Variants in DNAH10 observed in about 807,000 individuals in gnomAD.
DNAH10 encodes the protein dynein axonemal heavy chain 10.
A neutral mutation model predicts 506.6 loss-of-function variants in DNAH10; 348 were observed. That is an observed-to-expected ratio of 0.69 (90% confidence interval 0.63 to 0.75). DNAH10 has a LOEUF of 0.75. Ranked by LOEUF, DNAH10 falls within the 30% of genes least tolerant of loss-of-function variation. The probability of loss-of-function intolerance (pLI) is 0.00; values close to 1 mark genes in which losing one functional copy is unlikely to be tolerated. For missense variants in DNAH10, 5,179 were observed against 5,787.1 expected (o/e 0.89, Z 3.41); for synonymous variants, 2,059 against 2,198.6 (o/e 0.94, Z 1.78).
At position 123,903,816 on chromosome 12, in the gene DNAH10, TCTGCCCCTGTG is replaced by T. The variant is rs1314991901; in HGVS notation, c.9815+709_9815+719del. The stretch of plus-strand genomic sequence containing the variant: ...CTGGTGCCAGCCTCCGCCCACTGCC[TCTGCCCCTGTG>T]CTGCCTGGCCCCGCACAGACCCCTC... On this transcript the variant is annotated intron_variant, in intron 57 of 78. Coordinates refer to ENST00000673944, the MANE Select transcript of DNAH10 (RefSeq NM_001372106.1). This position sits in a 1 kb window ranked among gnomAD's most constrained non-coding sequence, Gnocchi z 4.6. Among the ~76,000 whole-genome samples, 2 of 152,202 alleles carry T rather than the reference TCTGCCCCTGTG, an allele frequency of 1.3e-5. No individual in the cohort carries two copies. Among genetic ancestry groups the T allele is most frequent in the Non-Finnish European group, 2.9e-5 (2 of 68,036 alleles).
At chr12:123,859,719 G>A (rs1951542948) in intron 38 of DNAH10, among the ~76,000 whole-genome samples, 1 of 152,068 alleles carries the variant, frequency 6.6e-6, no homozygotes, top group Non-Finnish European at 1.5e-5. Context: ...AGGAAAAAGT[G>A]ATCGTACACT....
intron 28 of DNAH10, among the ~76,000 whole-genome samples, chr12:123,836,840 G>A (rs969591272): frequency 2.0e-5 from 3 of 151,838 alleles, no homozygotes; most frequent in Non-Finnish European, 4.4e-5. Flanking sequence ...CCAATATGAT[G>A]AAACTCTGTC....
chr12:123,867,195 A>G (rs1285298208), intron 41 of DNAH10, among the ~76,000 whole-genome samples: 1 of 152,146 alleles, frequency 6.6e-6, no homozygotes, highest in African/African-American at 2.4e-5. Context: ...TTTCCTGTCA[A>G]ATGGGACCTG....
At position 123,928,170 on chromosome 12, in the gene DNAH10, G is replaced by A. The variant is rs1955029604; in HGVS notation, c.12106-217G>A. 1.6e-6 allele frequency: 1 copy of A among 606,172 alleles called. No homozygotes were observed. The highest frequency in any genetic ancestry group is 2.0e-5 in the South Asian group (1 of 49,868). 37.5% of individuals were successfully genotyped at this position (606,172 alleles called of 1,614,324 possible). ...GTGCAAAATGCTCACCCATCTTCCA[G>A]GCTGGGTGTGACCAGCTCAGTGCAC... On this transcript the variant is annotated intron_variant, in intron 69 of 78. Coordinates refer to ENST00000673944, the MANE Select transcript of DNAH10 (RefSeq NM_001372106.1). This position sits in a 1 kb window ranked among gnomAD's most constrained non-coding sequence, Gnocchi z 4.9.
At position 123,803,834 on chromosome 12, in the gene DNAH10, GA is replaced by G; in HGVS notation, c.2779+10del. The G allele has an allele frequency of 6.2e-7, 1 of 1,607,832 alleles. No homozygotes were observed. Among genetic ancestry groups the G allele is most frequent in the Non-Finnish European group, 8.5e-7 (1 of 1,178,590 alleles). ...TGAGGAAGAACTCCCAGGTAGATCT[GA>G]CTTCTGGGTTCTCCAGTTATGGAAT... On this transcript the variant is annotated intron_variant, in intron 17 of 78. Transcript: ENST00000673944.
intron 23 of DNAH10, among the ~76,000 whole-genome samples, chr12:123,820,120 T>A (rs1316135713): frequency 6.6e-6 from 1 of 152,166 alleles, no homozygotes; most frequent in Non-Finnish European, 1.5e-5. Flanking sequence ...TATTTAAGGA[T>A]GCTCAAAAAA....
At chr12:123,935,201 C>A in intron 78 of DNAH10, 134 bp from the exon 79 acceptor site, 1 of 1,092,640 alleles carries the variant, frequency 9.2e-7, no homozygotes, top group Non-Finnish European at 1.3e-6. Flanking sequence ...CCCTGAGCAG[C>A]CCCAGCCTTG....
At position 123,835,467 on chromosome 12, in the gene DNAH10, T is replaced by A; in HGVS notation, c.4841T>A (p.Ile1614Lys). The A allele has an allele frequency of 6.2e-7, 1 of 1,609,222 alleles. No homozygotes were observed. Among genetic ancestry groups the A allele is most frequent in the Non-Finnish European group, 8.5e-7 (1 of 1,177,482 alleles). Residue 1614 changes from isoleucine to lysine, a missense_variant, in exon 28 of 79, where the codon ATA becomes AAA. This residue lies in a region of DNAH10 where 4,844 missense variants were observed against 5,430.5 expected (regional missense o/e 0.89). Transcript: ENST00000673944. ...GAAAGTATTTTTATTGGTGGAGATA[T>A]AAGATCACAACTTCCGGAAGAGGCA... ...YLESIFIGGDIRSQLPEEAKK... is the reference protein window; with the variant it reads ...YLESIFIGGDKRSQLPEEAKK...
At chr12:123,896,427 C>T (rs1485198770) in intron 54 of DNAH10, among the ~76,000 whole-genome samples, 1 of 152,176 alleles carries the variant, frequency 6.6e-6, no homozygotes, top group Non-Finnish European at 1.5e-5. Context: ...AACAACCTAT[C>T]AGATAATCCA....
intron 69 of DNAH10, chr12:123,927,443 C>T (rs1954996911): frequency 1.3e-5 from 2 of 154,214 alleles, no homozygotes; most frequent in South Asian, 4.1e-4. Flanking sequence ...TTATTATGGC[C>T]CCAATTGCAT....
intron 77 of DNAH10, 74 bp from the exon 78 acceptor site, chr12:123,934,547 T>C (rs538955491): frequency 2.7e-5 from 42 of 1,574,414 alleles, no homozygotes; most frequent in African/African-American, 2.4e-4. Context: ...TCGCTGTGTG[T>C]GCGCCTGATA....
Position 123,847,147 on chromosome 12 carries a change from CAT to C in DNAH10, c.5815-813_5815-812del, listed in dbSNP as rs1191012999. 1.3e-4 allele frequency among the ~76,000 whole-genome samples: 13 copies of C among 100,696 alleles called. No individual in the cohort carries two copies. The African/African-American group carries it at 1.4e-3, about 11-fold the overall frequency. 66.1% of individuals were successfully genotyped at this position (100,696 alleles called of 152,430 possible). ...CCGTGCATCCATCCATCTACATATC[CAT>C]CCATCCATCCATCCATCCATCCATC... On this transcript the variant is annotated intron_variant, in intron 32 of 78. Transcript: ENST00000673944.
rs1953817134 is a variant in DNAH10 at position 123,907,081 on chromosome 12, T to A, written c.9816-2180T>A. Among the ~76,000 whole-genome samples the A allele has an allele frequency of 6.6e-6, 1 of 152,148 alleles. No individual in the cohort carries two copies. Among genetic ancestry groups the A allele is most frequent in the African/African-American group, 2.4e-5 (1 of 41,442 alleles). On this transcript the variant is annotated intron_variant, in intron 57 of 78. Coordinates refer to ENST00000673944, the MANE Select transcript of DNAH10 (RefSeq NM_001372106.1). The surrounding 1 kb of genome is among the most constrained non-coding windows in gnomAD (Gnocchi z 4.4). ...CCCATCAGCAGTGAGGCAGGCAGGG[T>A]CTTCACTGCGTGGCGCTGACACTCT... is the stretch of plus-strand genomic sequence containing the variant.
At position 123,762,675 on chromosome 12, in the gene DNAH10, A is replaced by C; in HGVS notation, c.214+125A>C. On this transcript the variant is annotated intron_variant, in intron 1 of 78. Coordinates refer to ENST00000673944, the MANE Select transcript of DNAH10 (RefSeq NM_001372106.1). The surrounding 1 kb of genome is among the most constrained non-coding windows in gnomAD (Gnocchi z 5.0). ...CCCCGGCCTCAGGTGCTGTCCACAA[A>C]CGCTGCCGCCCGCCACGTGCAGGCC... 1.0e-6 allele frequency: 1 copy of C among 988,494 alleles called. No individual in the cohort carries two copies. The highest frequency in any genetic ancestry group is 1.4e-6 in the Non-Finnish European group (1 of 712,860). The allele number at this position is 988,494 out of a possible 1,614,324, so 61.2% of individuals were successfully genotyped here.
chr12:123,925,762 G>A lies in DNAH10; in HGVS notation c.11921+558G>A, dbSNP rs774362117. 6.5e-6 allele frequency: 1 copy of A among 152,800 alleles called. No homozygotes were observed. Among genetic ancestry groups the A allele is most frequent in the Non-Finnish European group, 1.5e-5 (1 of 68,534 alleles). 9.5% of individuals were successfully genotyped at this position (152,800 alleles called of 1,614,324 possible). On this transcript the variant is annotated intron_variant, in intron 68 of 78. Coordinates refer to ENST00000673944, the MANE Select transcript of DNAH10 (RefSeq NM_001372106.1). The surrounding 1 kb of genome is among the most constrained non-coding windows in gnomAD (Gnocchi z 4.0). ...AGCAGGCCATGGCAGTGAGTGATGA[G>A]GCTGGGTGGGGTCCTGGTCCCTGGG... is the stretch of plus-strand genomic sequence containing the variant.
At position 123,871,558 on chromosome 12, in the gene DNAH10, G is replaced by T. The variant is rs1438964110; in HGVS notation, c.7741G>T (p.Ala2581Ser). The T allele has an allele frequency of 1.4e-5, 21 of 1,551,650 alleles. No homozygotes were observed. Among genetic ancestry groups the T allele is most frequent in the Non-Finnish European group, 1.7e-5 (20 of 1,147,202 alleles). The change falls in exon 45 of 79, where the codon GCC becomes TCC. Residue 2581 changes from alanine to serine, a missense_variant. This residue lies in a region of DNAH10 where 4,844 missense variants were observed against 5,430.5 expected (regional missense o/e 0.89). Transcript: ENST00000673944. Reference sequence around the variant, plus strand: ...TGGTGAATCTGGCACTTCTAAGACAGCCACTACCCAGAATTTCCTCAAAAA... The same window carrying T: ...TGGTGAATCTGGCACTTCTAAGACATCCACTACCCAGAATTTCCTCAAAAA... ...FVGESGTSKT[A>S]TTQNFLKNLS...
At chr12:123,867,425 A>G in intron 41 of DNAH10, 42 bp from the exon 42 acceptor site, 1 of 1,586,262 alleles carries the variant, frequency 6.3e-7, no homozygotes, top group Non-Finnish European at 8.6e-7. Flanking sequence ...CCATTTAAAT[A>G]AACAAACCCT....
At position 123,909,903 on chromosome 12, in the gene DNAH10, C is replaced by A. The variant is rs1953986763; in HGVS notation, c.9997+461C>A. Among the ~76,000 whole-genome samples, 1 of 152,180 alleles carries A rather than the reference C, an allele frequency of 6.6e-6. No homozygotes were observed. The highest frequency in any genetic ancestry group is 1.5e-5 in the Non-Finnish European group (1 of 68,038). On this transcript the variant is annotated intron_variant, in intron 58 of 78. Transcript: ENST00000673944. The surrounding 1 kb of genome is among the most constrained non-coding windows in gnomAD (Gnocchi z 5.4). Reference sequence around the variant, plus strand: ...GGTGGGCAGCATCACTGATGGCCAGCCTCTCCTCCATCTTTGGTTATAGGA... The same window carrying A: ...GGTGGGCAGCATCACTGATGGCCAGACTCTCCTCCATCTTTGGTTATAGGA...
Position 123,925,139 on chromosome 12 carries a change from C to A in DNAH10, c.11856C>A (p.Arg3952=). 1 of 1,614,046 alleles carries A rather than the reference C, an allele frequency of 6.2e-7. No individual in the cohort carries two copies. The highest frequency in any genetic ancestry group is 1.1e-5 in the South Asian group (1 of 91,086). ...ITPFQKLLIL[R]CFRVDRVYRA... is the part of the protein sequence containing the mutation. ...CTTTCCAGAAGTTGCTTATTTTGCG[C>A]TGTTTCCGTGTGGATCGGGTCTATC... Residue 3952 remains arginine (R), a synonymous_variant, in exon 68 of 79, where the codon CGC becomes CGA. Coordinates refer to ENST00000673944, the MANE Select transcript of DNAH10 (RefSeq NM_001372106.1). The surrounding 1 kb of genome is among the most constrained non-coding windows in gnomAD (Gnocchi z 4.0).
Sources: allele counts gnomAD v4.1 joint callset (sites outside exome capture counted in the v4.1 genomes callset), GRCh38; gene constraint gnomAD v4.1.1; regional missense constraint gnomAD v4.1.1; non-coding constraint Gnocchi (gnomAD v3.1); transcripts MANE v1.5; gene names NCBI Gene and HGNC (gene_info 2026-07-23, HGNC 2026-07-21).